The following SPTB variants were observed in gnomAD, a reference collection of about 807,000 sequenced individuals.
The protein encoded by SPTB is spectrin beta chain, erythrocytic.
A neutral mutation model predicts 256.2 loss-of-function variants in SPTB; 45 were observed. The ratio of observed to expected loss-of-function variants is 0.18; its 90% CI spans 0.14 to 0.23. The LOEUF (loss-of-function observed/expected upper bound fraction) is 0.23, where lower values mean the gene tolerates loss of function less well. Among genes scored for constraint, SPTB ranks in the 10% least tolerant of loss-of-function variants. The probability of loss-of-function intolerance (pLI) is 1.00; values close to 1 mark genes in which losing one functional copy is unlikely to be tolerated. For missense variants in SPTB, 2,715 were observed against 3,040.4 expected (o/e 0.89, Z 2.52); for synonymous variants, 1,231 against 1,243.1 (o/e 0.99, Z 0.21).
intron 2 of SPTB, among the ~76,000 whole-genome samples, chr14:64,805,941 C>T (rs899241369): frequency 1.3e-5 from 2 of 152,102 alleles, no homozygotes. Flanking sequence ...GGGAAGGTGA[C>T]ATGACACCCC....
chr14:64,776,421 G>T (rs2082356858), intron 22 of SPTB, among the ~76,000 whole-genome samples: 1 of 152,100 alleles, frequency 6.6e-6, no homozygotes, highest in South Asian at 2.1e-4. Context: ...GAGATCTTAT[G>T]ACCTCTGCAT....
chr14:64,802,378 G>A lies in SPTB; in HGVS notation c.475-61C>T. ...TGTGCATCTGGATCTGTGCTTTCCT[G>A]CCGTCCCTGGGAGGCTCCCTCCCTC... On this transcript the variant is annotated intron_variant, in intron 4 of 35. Coordinates refer to ENST00000644917, the MANE Select transcript of SPTB (RefSeq NM_001355436.2). The surrounding 1 kb of genome is among the most constrained non-coding windows in gnomAD (Gnocchi z 5.1). The A allele has an allele frequency of 6.5e-7, 1 of 1,526,956 alleles. No homozygotes were observed. 94.6% of individuals were successfully genotyped at this position (1,526,956 alleles called of 1,614,324 possible).
At chr14:64,813,080 T>A (rs1442522394) in intron 2 of SPTB, among the ~76,000 whole-genome samples, 2 of 152,248 alleles carry the variant, frequency 1.3e-5, no homozygotes, top group African/African-American at 2.4e-5. Flanking sequence ...TATATCCTAA[T>A]GCTGGGTGTT....
intron 1 of SPTB, among the ~76,000 whole-genome samples, chr14:64,840,895 A>T (rs1303578991): frequency 1.3e-5 from 2 of 152,212 alleles, no homozygotes. Flanking sequence ...CATCAATTTA[A>T]TTAACCAAAT....
At chr14:64,868,781 T>C (rs927258473) in intron 1 of SPTB, among the ~76,000 whole-genome samples, 3 of 152,170 alleles carry the variant, frequency 2.0e-5, no homozygotes, top group African/African-American at 4.8e-5. Flanking sequence ...ATTCCGACCT[T>C]TTCTAAAGCG....
In SPTB at chr14:64,764,930, A is replaced by G. The variant is rs2082143639; in HGVS notation, c.6345+1796T>C. On this transcript the variant is annotated intron_variant, in intron 32 of 35. Transcript: ENST00000644917. The surrounding 1 kb of genome is among the most constrained non-coding windows in gnomAD (Gnocchi z 4.2). ...GAACTTCTGGGAGAGACCCTTCAGC[A>G]GGAGCCCAGCAGTGCCCTCTGCTGG... is the stretch of plus-strand genomic sequence containing the variant. Among the ~76,000 whole-genome samples the G allele has an allele frequency of 6.6e-6, 1 of 152,032 alleles. No homozygotes were observed. The highest frequency in any genetic ancestry group is 1.5e-5 in the Non-Finnish European group (1 of 68,008).
intron 14 of SPTB, 42 bp from the exon 15 acceptor site, chr14:64,791,898 A>G (rs773008333): frequency 1.2e-6 from 2 of 1,613,138 alleles, no homozygotes; most frequent in East Asian, 4.5e-5. Flanking sequence ...GTGAGGCGGC[A>G]GCAGACATTT....
intron 1 of SPTB, among the ~76,000 whole-genome samples, chr14:64,879,231 T>C (rs1030532497): frequency 1.3e-5 from 2 of 152,178 alleles, no homozygotes; most frequent in Non-Finnish European, 2.9e-5. Flanking sequence ...GGTCACTCTC[T>C]GGGTGGCTCC....
rs571339322 is a variant in SPTB, at chr14:64,821,881, G to A, written c.148+1066C>T. 5.3e-5 allele frequency among the ~76,000 whole-genome samples: 8 copies of A among 152,278 alleles called. No homozygotes were observed. The South Asian group carries it at 1.7e-3, about 32-fold the overall frequency. ...GTGAGGTCATTATGGTCCCAGAGGG[G>A]TCCAGGGCCCTGCTCAGGCTTCAAG... On this transcript the variant is annotated intron_variant, in intron 2 of 35. Coordinates refer to ENST00000644917, the MANE Select transcript of SPTB (RefSeq NM_001355436.2).
chr14:64,799,651 T>G, intron 9 of SPTB, 96 bp downstream of exon 9: 1 of 1,421,692 alleles, frequency 7.0e-7, no homozygotes, highest in Non-Finnish European at 9.8e-7. Context: ...GTGTGCCTTG[T>G]GGACACACTT....
intron 19 of SPTB, among the ~76,000 whole-genome samples, chr14:64,783,241 T>A (rs771288327): frequency 6.6e-6 from 1 of 152,154 alleles, no homozygotes; most frequent in Non-Finnish European, 1.5e-5. Flanking sequence ...TCTCTCTCTG[T>A]TGCCCAAGCT....
intron 33 of SPTB, 25 bp from the exon 34 acceptor site, chr14:64,750,179 C>G: frequency 6.2e-7 from 1 of 1,606,926 alleles, no homozygotes; most frequent in South Asian, 1.1e-5. Context: ...ACAGGCAGGT[C>G]ACCCACATCC....
intron 1 of SPTB, among the ~76,000 whole-genome samples, chr14:64,833,996 C>T (rs1165652067): frequency 6.6e-6 from 1 of 152,140 alleles, no homozygotes; most frequent in Admixed American, 6.5e-5. Flanking sequence ...GTCCCTGTCA[C>T]TCCTTCTGCC....
intron 9 of SPTB, 34 bp downstream of exon 9, chr14:64,799,713 T>G (rs1404884747): frequency 6.2e-7 from 1 of 1,612,960 alleles, no homozygotes; most frequent in Non-Finnish European, 8.5e-7. Flanking sequence ...TCCCAGCCAC[T>G]GAGGACCACC....
intron 2 of SPTB, among the ~76,000 whole-genome samples, chr14:64,820,269 T>A (rs1330230296): frequency 6.6e-6 from 1 of 152,038 alleles, no homozygotes; most frequent in African/African-American, 2.4e-5. Context: ...ACAACAGTAC[T>A]GAAGGGAAAA....
Position 64,782,340 on chromosome 14 carries a change from C to T in SPTB, c.4216G>A (p.Asp1406Asn), listed in dbSNP as rs770206796. The T allele has an allele frequency of 8.7e-6, 14 of 1,614,112 alleles. No individual in the cohort carries two copies. Among genetic ancestry groups the T allele is most frequent in the Non-Finnish European group, 1.1e-5 (13 of 1,180,058 alleles). ...SAMEDQLRSD[D>N]PGKDLTSVNR... The stretch of plus-strand genomic sequence containing the variant: ...ACACTGGTCAGGTCCTTGCCCGGGT[C>T]GTCTGACCGCAGCTGGTCCTCCATG... The change falls in exon 20 of 36, where the codon GAC becomes AAC. Residue 1406 changes from aspartate (D) to asparagine (N), a missense_variant. Coordinates refer to ENST00000644917, the MANE Select transcript of SPTB (RefSeq NM_001355436.2).
Position 64,793,437 on chromosome 14 carries a change from A to G in SPTB, c.2226T>C (p.Ala742=), listed in dbSNP as rs765319573. The change falls in exon 14 of 36, where the codon GCT becomes GCC. Residue 742 remains alanine (A), a synonymous_variant. Coordinates refer to ENST00000644917, the MANE Select transcript of SPTB (RefSeq NM_001355436.2). This position sits in a 1 kb window ranked among gnomAD's most constrained non-coding sequence, Gnocchi z 7.0. ...AAFCKKNLQD[A]ENFFQFQGDA... ...CGCCCTGGAACTGGAAAAAGTTCTC[A>G]GCATCCTGGAGGTTCTTCTTGCAGA... 3 of 1,613,988 alleles carry G rather than the reference A, an allele frequency of 1.9e-6. No homozygotes were observed. The highest frequency in any genetic ancestry group is 1.7e-6 in the Non-Finnish European group (2 of 1,180,036).
intron 1 of SPTB, among the ~76,000 whole-genome samples, chr14:64,874,732 C>T (rs1882724579): frequency 6.6e-6 from 1 of 152,228 alleles, no homozygotes; most frequent in African/African-American, 2.4e-5. Flanking sequence ...TCAAGTGAGA[C>T]ACGCCCATAT....
At chr14:64,815,889 GA>G (rs1160337610) in intron 2 of SPTB, among the ~76,000 whole-genome samples, 3 of 152,168 alleles carry the variant, frequency 2.0e-5, no homozygotes, top group African/African-American at 7.2e-5. Flanking sequence ...AGGCCCCAAG[GA>G]GCAGAAGAGT....
Sources: gnomAD v4.1 joint callset for allele counts (sites outside exome capture counted in the v4.1 genomes callset) on GRCh38, gnomAD v4.1.1 for gene constraint, Gnocchi (gnomAD v3.1) non-coding constraint, MANE v1.5 for transcripts, NCBI Gene and HGNC (gene_info 2026-07-23, HGNC 2026-07-21) for gene names.